Variants in SNX6 observed in about 807,000 individuals in gnomAD.
The protein encoded by SNX6 is sorting nexin-6.
Under a neutral mutation model 63.0 loss-of-function variants are expected in SNX6, and 34 were observed. The ratio of observed to expected loss-of-function variants is 0.54; its 90% CI spans 0.41 to 0.72. SNX6 has a LOEUF of 0.72. Ranked by LOEUF, SNX6 falls within the 30% of genes least tolerant of loss-of-function variation. The pLI, the probability that SNX6 is intolerant of heterozygous loss-of-function variation, is 0.00. For missense variants in SNX6, 398 were observed against 471.4 expected (o/e 0.84, Z 1.44); for synonymous variants, 170 against 164.2 (o/e 1.04, Z -0.27).
intron 9 of SNX6, among the ~76,000 whole-genome samples, chr14:34,583,884 G>C (rs1048158830): frequency 3.4e-4 from 46 of 133,802 alleles, no homozygotes; most frequent in African/African-American, 1.1e-3. Flanking sequence ...TTTCTCTCTT[G>C]TTGCCAAGGC....
intron 2 of SNX6, among the ~76,000 whole-genome samples, chr14:34,612,015 G>A (rs912254450): frequency 1.3e-5 from 2 of 152,100 alleles, no homozygotes; most frequent in African/African-American, 2.4e-5. Context: ...TCCTGACCTC[G>A]TGATACGCCC....
At chr14:34,614,467 A>G (rs1196346965) in intron 2 of SNX6, among the ~76,000 whole-genome samples, 1 of 151,846 alleles carries the variant, frequency 6.6e-6, no homozygotes, top group Non-Finnish European at 1.5e-5. Flanking sequence ...CTCCAAAACC[A>G]GAAACAGAAT....
At chr14:34,615,293 A>G (rs1009920230) in intron 2 of SNX6, among the ~76,000 whole-genome samples, 6 of 152,238 alleles carry the variant, frequency 3.9e-5, no homozygotes, top group African/African-American at 1.2e-4. Context: ...TAACAAATAT[A>G]TAGGCCACCT....
intron 6 of SNX6, among the ~76,000 whole-genome samples, chr14:34,600,309 G>A (rs1031792546): frequency 3.6e-4 from 55 of 152,118 alleles, no homozygotes; most frequent in African/African-American, 1.1e-3. Flanking sequence ...GTTTTTAGTA[G>A]AGACAGGGGT....
intron 8 of SNX6, 107 bp from the exon 9 acceptor site, chr14:34,586,412 A>C (rs1882160095): frequency 1.7e-6 from 1 of 600,260 alleles, no homozygotes; most frequent in Non-Finnish European, 2.8e-6. Flanking sequence ...TCTAGTAAAG[A>C]AAATAACGCA....
chr14:34,599,764 ACT>A (rs946589691), intron 6 of SNX6, among the ~76,000 whole-genome samples: 12 of 104,668 alleles, frequency 1.1e-4, no homozygotes, highest in Non-Finnish European at 1.8e-4. Context: ...ACAGAGCAAG[ACT>A]CTGTCTCAAA....
At chr14:34,588,595 A>G (rs1157218104) in intron 8 of SNX6, among the ~76,000 whole-genome samples, 2 of 152,308 alleles carry the variant, frequency 1.3e-5, no homozygotes, top group African/African-American at 4.8e-5. Context: ...CCAAATAATC[A>G]GGAACCAATC....
chr14:34,622,643 T>C (rs1189274846), intron 2 of SNX6, among the ~76,000 whole-genome samples: 5 of 151,640 alleles, frequency 3.3e-5, no homozygotes, highest in Admixed American at 1.3e-4. Flanking sequence ...CTACATACTC[T>C]GTACTAGCTG....
chr14:34,604,055 GAAA>G (rs77834149), intron 5 of SNX6: 439 of 808,132 alleles, frequency 5.4e-4, no homozygotes, highest in South Asian at 1.2e-3. Flanking sequence ...CAGTTTGGGG[GAAA>G]AAAAAAAAAA....
At chr14:34,593,491 C>G (rs1882479382) in intron 7 of SNX6, among the ~76,000 whole-genome samples, 1 of 151,934 alleles carries the variant, frequency 6.6e-6, no homozygotes, top group Non-Finnish European at 1.5e-5. Flanking sequence ...CCTCTGCCTC[C>G]CGGGTTCAAG....
At chr14:34,589,951 C>A (rs1882325530) in intron 8 of SNX6, among the ~76,000 whole-genome samples, 1 of 152,048 alleles carries the variant, frequency 6.6e-6, no homozygotes, top group Non-Finnish European at 1.5e-5. Context: ...TCTCTACCCC[C>A]TCAGCAGCAA....
At chr14:34,602,501 G>C (rs904367731) in intron 6 of SNX6, among the ~76,000 whole-genome samples, 10 of 149,890 alleles carry the variant, frequency 6.7e-5, no homozygotes, top group African/African-American at 2.2e-4. Flanking sequence ...TGAGGCACGA[G>C]AATCACTTGA....
At chr14:34,621,009 T>TA (rs1883602232) in intron 2 of SNX6, among the ~76,000 whole-genome samples, 1 of 152,056 alleles carries the variant, frequency 6.6e-6, no homozygotes, top group South Asian at 2.1e-4. Flanking sequence ...AATGCAGTGG[T>TA]ACAATCATAG....
intron 2 of SNX6, among the ~76,000 whole-genome samples, chr14:34,616,873 C>A (rs1883436410): frequency 6.6e-6 from 1 of 151,938 alleles, no homozygotes; most frequent in African/African-American, 2.4e-5. Flanking sequence ...GAATTTGAGA[C>A]CAGCCTGGCC....
intron 13 of SNX6, among the ~76,000 whole-genome samples, chr14:34,566,978 T>C (rs1881209230): frequency 6.6e-6 from 1 of 152,046 alleles, no homozygotes; most frequent in Admixed American, 6.6e-5. Context: ...ATCTCAGCAC[T>C]ACGGGAGGCC....
In SNX6 at chr14:34,572,475, TAA is replaced by T. The variant is rs968228415; in HGVS notation, c.921+3279_921+3280del. Among the ~76,000 whole-genome samples the T allele has an allele frequency of 7.4e-4, 113 of 152,266 alleles. 1 individual carries two copies. The highest frequency in any genetic ancestry group is 2.4e-3 in the African/African-American group (101 of 41,570). On this transcript the variant is annotated intron_variant, in intron 11 of 13. Coordinates refer to ENST00000362031, the MANE Select transcript of SNX6 (RefSeq NM_152233.4). The stretch of plus-strand genomic sequence containing the variant: ...CTGCCCATCCAATGTAAATAGTTTA[TAA>T]GATATAATTTGATATGAACAGTGTA...
rs1356302807 is a variant in SNX6, at chr14:34,586,271, T to C, written c.753A>G (p.Ser251=). Residue 251 remains serine (S), a synonymous_variant, in exon 9 of 14, where the codon TCA becomes TCG. Coordinates refer to ENST00000362031, the MANE Select transcript of SNX6 (RefSeq NM_152233.4). ...AATCCTGAGTTCCTAAAGCATATAATGAAGAACCAATTCTATTGTAATCAT... is the reference window on the plus strand; with the variant it reads ...AATCCTGAGTTCCTAAAGCATATAACGAAGAACCAATTCTATTGTAATCAT... ...AADDYNRIGS[S]LYALGTQDST... is the part of the protein sequence containing the mutation. The C allele has an allele frequency of 4.4e-6, 7 of 1,608,028 alleles. No individual in the cohort carries two copies. Among genetic ancestry groups the C allele is most frequent in the Non-Finnish European group, 5.1e-6 (6 of 1,175,022 alleles).
At chr14:34,614,455 A>C (rs1034966406) in intron 2 of SNX6, among the ~76,000 whole-genome samples, 1 of 151,826 alleles carries the variant, frequency 6.6e-6, no homozygotes. Flanking sequence ...AAAACCAAAA[A>C]ACTCCAAAAC....
chr14:34,619,104 A>T (rs1353176087), intron 2 of SNX6, among the ~76,000 whole-genome samples: 1 of 152,152 alleles, frequency 6.6e-6, no homozygotes, highest in African/African-American at 2.4e-5. Flanking sequence ...TTACAGTATG[A>T]TCAATTAAAA....
Sources: allele counts gnomAD v4.1 joint callset (sites outside exome capture counted in the v4.1 genomes callset), GRCh38; gene constraint gnomAD v4.1.1; transcripts MANE v1.5; gene names NCBI Gene and HGNC (gene_info 2026-07-23, HGNC 2026-07-21).